Variants in DDX4 observed in about 807,000 individuals in gnomAD.
DDX4 encodes the protein DEAD-box helicase 4, also known as probable ATP-dependent RNA helicase DDX4.
In DDX4, 25 loss-of-function variants were observed where a neutral mutation model predicts 100.0. The ratio of observed to expected loss-of-function variants is 0.25; its 90% confidence interval spans 0.18 to 0.35. The LOEUF (loss-of-function observed/expected upper bound fraction) is 0.35, where lower values mean the gene tolerates loss of function less well. DDX4 is among the 10% of genes least tolerant of loss of function. DDX4 has a pLI of 1.00. For synonymous variants in DDX4, 259 were observed against 275.7 expected, an observed-to-expected ratio of 0.94 and a Z score of 0.60; for missense variants, 635 against 882.4, an observed-to-expected ratio of 0.72 and a Z score of 3.55.
intron 15 of DDX4, among the ~76,000 whole-genome samples, chr5:55,790,184 G>T (rs1329353718): frequency 1.6e-5 from 2 of 123,336 alleles, no homozygotes; most frequent in Admixed American, 1.1e-4. Flanking sequence ...TCGCTGTGTT[G>T]CCCAGGCTGG....
At position 55,811,837 on chromosome 5, in the gene DDX4, T is replaced by C. The variant is rs894606744; in HGVS notation, c.1616-1836T>C. ...ACATAAATACTGTTGAATAAATGAC[T>C]AAATTTAGTTGAACACAGATTTCCG... On this transcript the variant is annotated intron_variant, in intron 18 of 21. Coordinates refer to ENST00000505374, the MANE Select transcript of DDX4 (RefSeq NM_024415.3). 1.4e-4 allele frequency among the ~76,000 whole-genome samples: 21 copies of C among 152,344 alleles called. 1 individual carries two copies. The highest frequency in any genetic ancestry group is 4.3e-4 in the African/African-American group (18 of 41,584).
chr5:55,813,641 G>C, intron 18 of DDX4, 32 bp from the exon 19 acceptor site: 1 of 1,516,620 alleles, frequency 6.6e-7, no homozygotes, highest in East Asian at 2.4e-5. Context: ...TGATTTTGAA[G>C]TTTGAATATT....
intron 7 of DDX4, among the ~76,000 whole-genome samples, chr5:55,768,492 G>A (rs184076552): frequency 7.9e-5 from 12 of 152,106 alleles, no homozygotes; most frequent in Admixed American, 5.9e-4. Context: ...ATTCCATGGC[G>A]CATATATACC....
chr5:55,808,334 G>T (rs569528856), intron 18 of DDX4, among the ~76,000 whole-genome samples: 1 of 152,084 alleles, frequency 6.6e-6, no homozygotes, highest in African/African-American at 2.4e-5. Flanking sequence ...GTCATTCTCC[G>T]TCCAGCTTTG....
At chr5:55,785,682 C>T in intron 12 of DDX4, 47 bp from the exon 13 acceptor site, 1 of 1,529,186 alleles carries the variant, frequency 6.5e-7, no homozygotes, top group Non-Finnish European at 8.9e-7. Flanking sequence ...CTTATATTTT[C>T]TTGTAGTCTC....
chr5:55,814,820 G>T lies in DDX4; in HGVS notation c.1716-81G>T, dbSNP rs191933158. The T allele has an allele frequency of 1.0e-5, 15 of 1,481,226 alleles. No individual in the cohort carries two copies. The Admixed American group carries it at 1.5e-4, about 14-fold the overall frequency. 91.8% of individuals were successfully genotyped at this position (1,481,226 alleles called of 1,614,324 possible). ...CTGCTATTCATACTATTATTAAAAA[G>T]AAATTTGTATGTTGAACTTTAATGA... On this transcript the variant is annotated intron_variant, in intron 19 of 21. Coordinates refer to ENST00000505374, the MANE Select transcript of DDX4 (RefSeq NM_024415.3).
intron 10 of DDX4, among the ~76,000 whole-genome samples, chr5:55,783,922 G>A (rs1742086850): frequency 6.6e-6 from 1 of 151,078 alleles, no homozygotes; most frequent in African/African-American, 2.4e-5. Flanking sequence ...CATGTACCAT[G>A]TTGGTGTGCT....
chr5:55,802,477 A>G (rs765883844), intron 18 of DDX4, among the ~76,000 whole-genome samples: 4 of 152,180 alleles, frequency 2.6e-5, no homozygotes, highest in Admixed American at 6.5e-5. Context: ...TTCAGTCCTT[A>G]TGTAATTCTT....
At chr5:55,757,880 C>CA (rs942272136) in intron 3 of DDX4, among the ~76,000 whole-genome samples, 10 of 151,940 alleles carry the variant, frequency 6.6e-5, no homozygotes, top group Admixed American at 6.6e-4. Context: ...CCTGTCTCTA[C>CA]AAAAAAATAA....
Position 55,815,371 on chromosome 5 carries a change from G to A in DDX4, c.2045G>A (p.Gly682Asp). 1 of 1,613,772 alleles carries A rather than the reference G, an allele frequency of 6.2e-7. No homozygotes were observed. Among genetic ancestry groups the A allele is most frequent in the African/African-American group, 1.3e-5 (1 of 75,002 alleles). The part of the protein sequence containing the change: ...EEIAFSTYIP[G>D]FSGSTRGNVF... ...ATTGCCTTTAGTACATACATTCCTG[G>A]CTTCAGTGGTAGTACAAGAGGAAAC... Residue 682 changes from glycine (G) to aspartate (D), a missense_variant, in exon 21 of 22, where the codon GGC (glycine) becomes GAC (aspartate). This residue lies in a region of DDX4 where 73 missense variants were observed against 98.5 expected (regional missense o/e 0.74). Coordinates refer to ENST00000505374, the MANE Select transcript of DDX4 (RefSeq NM_024415.3).
At chr5:55,752,419 T>C (rs1759624474) in intron 3 of DDX4, among the ~76,000 whole-genome samples, 1 of 146,940 alleles carries the variant, frequency 6.8e-6, no homozygotes, top group Admixed American at 7.0e-5. Context: ...CACCTATGAG[T>C]GAGAATATGC....
Position 55,781,982 on chromosome 5 carries a change from G to C in DDX4, c.625+1G>C. 6.2e-7 allele frequency: 1 copy of C among 1,613,960 alleles called. No individual in the cohort carries two copies. Among genetic ancestry groups the C allele is most frequent in the Non-Finnish European group, 8.5e-7 (1 of 1,179,938 alleles). ...AGAAGTGGCAGTGGAAGTGAACGAG[G>C]TAAGTTCTTATTTTGTTTACCCGAA... On this transcript the variant is annotated splice_donor_variant, in intron 10 of 21. Coordinates refer to ENST00000505374, the MANE Select transcript of DDX4 (RefSeq NM_024415.3). LOFTEE classifies it high-confidence loss of function.
chr5:55,756,580 G>A (rs1759949757), intron 3 of DDX4, among the ~76,000 whole-genome samples: 1 of 152,142 alleles, frequency 6.6e-6, no homozygotes, highest in African/African-American at 2.4e-5. Flanking sequence ...GAGTCTTAGA[G>A]CGCATACTGA....
intron 12 of DDX4, 83 bp downstream of exon 12, chr5:55,785,577 C>G (rs1039301281): frequency 8.1e-6 from 11 of 1,353,664 alleles, no homozygotes; most frequent in Non-Finnish European, 1.1e-5. Context: ...ACAAAGTTAT[C>G]TTTTAAAAAT....
chr5:55,758,051 G>A (rs1171228766), intron 3 of DDX4, among the ~76,000 whole-genome samples: 1 of 152,008 alleles, frequency 6.6e-6, no homozygotes, highest in Non-Finnish European at 1.5e-5. Context: ...TCTCAAACAA[G>A]ACAAAACAAA....
chr5:55,793,558 G>C (rs990549299), intron 17 of DDX4, among the ~76,000 whole-genome samples: 3 of 152,168 alleles, frequency 2.0e-5, no homozygotes, highest in Non-Finnish European at 2.9e-5. Context: ...GTGGAACTGC[G>C]TTCTCTTTGG....
intron 15 of DDX4, among the ~76,000 whole-genome samples, chr5:55,789,811 G>A (rs1742447820): frequency 6.6e-6 from 1 of 152,184 alleles, no homozygotes; most frequent in Non-Finnish European, 1.5e-5. Context: ...TACCCACACT[G>A]AAGGGGGAAG....
chr5:55,762,630 G>A (rs768207768), intron 4 of DDX4, among the ~76,000 whole-genome samples: 2 of 152,136 alleles, frequency 1.3e-5, no homozygotes, highest in Non-Finnish European at 2.9e-5. Flanking sequence ...TACATAGTGA[G>A]AAACAAAGCT....
At chr5:55,777,091 T>C (rs917917472) in intron 7 of DDX4, among the ~76,000 whole-genome samples, 2 of 152,140 alleles carry the variant, frequency 1.3e-5, no homozygotes, top group African/African-American at 4.8e-5. Flanking sequence ...CAGAGCTTTG[T>C]AGGAAGGAAG....
Sources: gnomAD v4.1 joint callset for allele counts (sites outside exome capture counted in the v4.1 genomes callset) on GRCh38, gnomAD v4.1.1 for gene constraint, gnomAD v4.1.1 regional missense constraint, MANE v1.5 for transcripts, NCBI Gene and HGNC (gene_info 2026-07-23, HGNC 2026-07-21) for gene names.